DCUN1D2: variants seen among roughly 807,000 people sequenced by gnomAD.
The protein encoded by DCUN1D2 is defective in cullin neddylation 1 domain containing 2, also known as DCN1-like protein 2.
DCUN1D2 carries 29 observed loss-of-function variants against 30.9 expected under a neutral mutation model. The ratio of observed to expected loss-of-function variants is 0.94; its 90% CI spans 0.70 to 1.28. The LOEUF (loss-of-function observed/expected upper bound fraction) is 1.28. DCUN1D2 is among the 50% of genes most tolerant of loss of function. The pLI, the probability that DCUN1D2 is intolerant of heterozygous loss-of-function variation, is 0.00. For missense variants in DCUN1D2, 325 were observed against 316.9 expected, an observed-to-expected ratio of 1.03 and a Z score of -0.19; for synonymous variants, 121 against 115.3, an observed-to-expected ratio of 1.05 and a Z score of -0.32.
intron 1 of DCUN1D2, among the ~76,000 whole-genome samples, chr13:113,487,972 A>G (rs1194652368): frequency 5.9e-5 from 9 of 152,128 alleles, no homozygotes. Context: ...ATGACTCCAC[A>G]CCAGGAATGT....
At chr13:113,467,682 G>A (rs548244201) in intron 4 of DCUN1D2, among the ~76,000 whole-genome samples, 2 of 152,228 alleles carry the variant, frequency 1.3e-5, no homozygotes, top group South Asian at 4.1e-4. Context: ...GTGGTTCCTC[G>A]TTCCTCAAGA....
intron 3 of DCUN1D2, among the ~76,000 whole-genome samples, chr13:113,476,308 C>G (rs1367329582): frequency 6.6e-6 from 1 of 152,138 alleles, no homozygotes; most frequent in Non-Finnish European, 1.5e-5. Context: ...ACACTGGAGT[C>G]CCCCTCCACG....
chr13:113,464,127 G>A lies in DCUN1D2; in HGVS notation c.521-2991C>T, dbSNP rs139709789. On this transcript the variant is annotated intron_variant, in intron 4 of 6. Transcript: ENST00000478244. The stretch of plus-strand genomic sequence containing the variant: ...TGTTTACAAAATCTAATCTTTTCCC[G>A]AGGAGGCTATTGTTTTCTTTAATAA... Among the ~76,000 whole-genome samples the A allele has an allele frequency of 1.3e-3, 205 of 152,238 alleles. 1 individual carries two copies. The highest frequency in any genetic ancestry group is 4.6e-3 in the African/African-American group (191 of 41,546).
intron 4 of DCUN1D2, among the ~76,000 whole-genome samples, chr13:113,466,556 A>G (rs2044405598): frequency 6.6e-6 from 1 of 152,198 alleles, no homozygotes; most frequent in Non-Finnish European, 1.5e-5. Context: ...TAGAATAAAC[A>G]TTTACTGCCC....
Position 113,484,024 on chromosome 13 carries a change from GA to G in DCUN1D2, c.35del (p.Val12AlafsTer19). On this transcript the variant is annotated frameshift_variant, in exon 2 of 7. Transcript: ENST00000478244. LOFTEE classifies it high-confidence loss of function. Reference sequence around the variant, plus strand: ...CCTGAGTGCACGCCATAAACTGGCGGACCTTGTCCTTCTGAGACGATTTAAG... The same window carrying G: ...CCTGAGTGCACGCCATAAACTGGCGGCCTTGTCCTTCTGAGACGATTTAAG... ...HKLKSSQKDK[V>X]RQFMACTQAG... 1 of 1,614,060 alleles carries G rather than the reference GA, an allele frequency of 6.2e-7. No homozygotes were observed. Among genetic ancestry groups the G allele is most frequent in the Middle Eastern group, 1.7e-4 (1 of 6,050 alleles).
At chr13:113,476,462 A>G (rs2044619705) in intron 3 of DCUN1D2, among the ~76,000 whole-genome samples, 1 of 152,184 alleles carries the variant, frequency 6.6e-6, no homozygotes, top group African/African-American at 2.4e-5. Flanking sequence ...GCCCTTGTGC[A>G]TCCTCTTTTG....
At position 113,483,976 on chromosome 13, in the gene DCUN1D2, G is replaced by C. The variant is rs2044757268; in HGVS notation, c.84C>G (p.Tyr28Ter). 1 of 1,614,244 alleles carries C rather than the reference G, an allele frequency of 6.2e-7. No individual in the cohort carries two copies. Among genetic ancestry groups the C allele is most frequent in the Non-Finnish European group, 8.5e-7 (1 of 1,180,056 alleles). ...CTQAGERTAI[Y>*]CLTQNEWRLD... ...GTCTCCACTCATTCTGCGTTAAGCA[G>C]TAGATAGCAGTTCTCTCGCCAGCCT... is the stretch of plus-strand genomic sequence containing the variant. The change falls in exon 2 of 7, where the codon TAC becomes TAG. Residue 28 changes from tyrosine (Y) to a stop codon, truncating the protein, a stop_gained. Transcript: ENST00000478244. LOFTEE classifies it high-confidence loss of function.
rs976313394 is a variant in DCUN1D2, at chr13:113,490,024, A to G, written c.3+643T>C. Among the ~76,000 whole-genome samples, 4 of 152,148 alleles carry G rather than the reference A, an allele frequency of 2.6e-5. No individual in the cohort carries two copies. The highest frequency in any genetic ancestry group is 9.7e-5 in the African/African-American group (4 of 41,444). ...TGGCCTCTGAACCGATGTGGACTGAATAAATCCCATCCATCACCATTTCCA... is the reference window on the plus strand; with the variant it reads ...TGGCCTCTGAACCGATGTGGACTGAGTAAATCCCATCCATCACCATTTCCA... On this transcript the variant is annotated intron_variant, in intron 1 of 6. Coordinates refer to ENST00000478244, the MANE Select transcript of DCUN1D2 (RefSeq NM_001014283.2). This position sits in a 1 kb window ranked among gnomAD's most constrained non-coding sequence, Gnocchi z 5.2.
intron 4 of DCUN1D2, among the ~76,000 whole-genome samples, chr13:113,462,285 A>T (rs2139678960): frequency 6.6e-6 from 1 of 151,390 alleles, no homozygotes; most frequent in Non-Finnish European, 1.5e-5. Flanking sequence ...ATAAATAAAT[A>T]AAATAAAAAA....
chr13:113,476,555 C>G (rs2044621335), intron 3 of DCUN1D2, among the ~76,000 whole-genome samples: 1 of 152,272 alleles, frequency 6.6e-6, no homozygotes, highest in African/African-American at 2.4e-5. Context: ...ATTAAAGATA[C>G]AAGCCTTTGC....
In DCUN1D2 at chr13:113,458,026, T is replaced by C; in HGVS notation, c.*3A>G. The C allele has an allele frequency of 6.2e-7, 1 of 1,613,292 alleles. No individual in the cohort carries two copies. Among genetic ancestry groups the C allele is most frequent in the East Asian group, 2.2e-5 (1 of 44,884 alleles). ...ATAATCTTACTCCTGCTTAACTTGC[T>C]GCCTAGAAAAGGCTGCGTTTTCCAC... is the stretch of plus-strand genomic sequence containing the variant. On this transcript the variant is annotated 3_prime_UTR_variant, in exon 7 of 7. Coordinates refer to ENST00000478244, the MANE Select transcript of DCUN1D2 (RefSeq NM_001014283.2).
At position 113,490,124 on chromosome 13, in the gene DCUN1D2, A is replaced by C. The variant is rs973747203; in HGVS notation, c.3+543T>G. ...CTGCGGAACTCTACCAGCTCCACAGATGCACACCTACAGCCACGCTACAGC... is the reference window on the plus strand; with the variant it reads ...CTGCGGAACTCTACCAGCTCCACAGCTGCACACCTACAGCCACGCTACAGC... On this transcript the variant is annotated intron_variant, in intron 1 of 6. Transcript: ENST00000478244. The surrounding 1 kb of genome is among the most constrained non-coding windows in gnomAD (Gnocchi z 5.2). Among the ~76,000 whole-genome samples, 3 of 152,132 alleles carry C rather than the reference A, an allele frequency of 2.0e-5. No homozygotes were observed. The highest frequency in any genetic ancestry group is 7.2e-5 in the African/African-American group (3 of 41,420).
chr13:113,456,436 A>C lies in DCUN1D2; in HGVS notation c.*1593T>G. On this transcript the variant is annotated 3_prime_UTR_variant, in exon 7 of 7. Coordinates refer to ENST00000478244, the MANE Select transcript of DCUN1D2 (RefSeq NM_001014283.2). ...AGGGTAAGTCCTGTTCTCAGAAGCC[A>C]ACCCAGCTGCTTGTCTGGGCCATGC... 2.5e-6 allele frequency: 1 copy of C among 398,784 alleles called. No individual in the cohort carries two copies. 24.7% of individuals were successfully genotyped at this position (398,784 alleles called of 1,614,324 possible). A position where few individuals can be genotyped will look rare whatever the true frequency, so the allele number is the denominator to read the frequency against.
intron 4 of DCUN1D2, among the ~76,000 whole-genome samples, chr13:113,465,878 TATAGATAG>T (rs112964363): frequency 6.6e-6 from 1 of 151,626 alleles, no homozygotes; most frequent in Non-Finnish European, 1.5e-5. Context: ...GACAGATATA[TATAGATAG>T]ATAGATAGAT....
intron 1 of DCUN1D2, among the ~76,000 whole-genome samples, chr13:113,486,956 T>C (rs2044815265): frequency 6.6e-6 from 1 of 152,258 alleles, no homozygotes; most frequent in Non-Finnish European, 1.5e-5. Flanking sequence ...ACAGCTAGCC[T>C]GTGGGCTGTA....
intron 4 of DCUN1D2, among the ~76,000 whole-genome samples, chr13:113,466,028 G>C (rs999126986): frequency 1.3e-5 from 2 of 152,154 alleles, no homozygotes; most frequent in Non-Finnish European, 2.9e-5. Context: ...TGGGACTACA[G>C]GTGTGTGCCA....
chr13:113,469,251 AC>A (rs1451291344), intron 4 of DCUN1D2, among the ~76,000 whole-genome samples: 1 of 152,168 alleles, frequency 6.6e-6, no homozygotes, highest in Non-Finnish European at 1.5e-5. Flanking sequence ...AACTAATTTC[AC>A]ATAAAAATGA....
intron 1 of DCUN1D2, among the ~76,000 whole-genome samples, chr13:113,485,888 C>T (rs889968780): frequency 1.3e-5 from 2 of 152,090 alleles, no homozygotes; most frequent in Non-Finnish European, 2.9e-5. Context: ...CAGAGGCCTC[C>T]GTGGGCTGCA....
At chr13:113,461,611 T>C (rs193226244) in intron 4 of DCUN1D2, among the ~76,000 whole-genome samples, 1 of 152,364 alleles carries the variant, frequency 6.6e-6, no homozygotes, top group East Asian at 1.9e-4. Flanking sequence ...GTTTCACAAG[T>C]AATTACAGCG....
Sources: gnomAD v4.1 joint callset for allele counts (sites outside exome capture counted in the v4.1 genomes callset) on GRCh38, gnomAD v4.1.1 for gene constraint, Gnocchi (gnomAD v3.1) non-coding constraint, MANE v1.5 for transcripts, NCBI Gene and HGNC (gene_info 2026-07-23, HGNC 2026-07-21) for gene names.